Variants in MTMR1 observed in about 807,000 individuals in gnomAD.
MTMR1 encodes myotubularin related protein 1, also known as phosphatidylinositol-3-phosphate phosphatase MTMR1.
A neutral mutation model predicts 51.6 loss-of-function variants in MTMR1; 17 were observed. The observed-to-expected ratio is 0.33, with a 90% confidence interval of 0.23 to 0.49. MTMR1 has a LOEUF of 0.49. MTMR1 is among the 20% of genes least tolerant of loss of function. The pLI is 0.99. For missense variants in MTMR1, 386 were observed against 526.9 expected (o/e 0.73, Z 2.62); for synonymous variants, 201 against 205.6 (o/e 0.98, Z 0.19).
chrX:150,724,443 G>T (rs191327487), intron 4 of MTMR1, among the ~76,000 whole-genome samples: 3,320 of 110,275 alleles, frequency 0.03, 131 homozygotes, highest in African/African-American at 0.1. Context: ...GGTTGTTTGT[G>T]TTTTTTCTTG....
At position 150,727,326 on chromosome X, in the gene MTMR1, G is replaced by T. The variant is rs782604769; in HGVS notation, c.447+17G>T. ...GTCGAGAGGGTGAGTTTTTTAAAGT[G>T]TGTTTTATTTTAAAAGAAACACTTT... On this transcript the variant is annotated intron_variant, in intron 5 of 15. Coordinates refer to ENST00000445323, the MANE Select transcript of MTMR1 (RefSeq NM_001306144.3). The T allele has an allele frequency of 8.7e-7, 1 of 1,146,730 alleles. No individual in the cohort carries two copies. Among genetic ancestry groups the T allele is most frequent in the African/African-American group, 1.8e-5 (1 of 55,681 alleles). 94.5% of individuals were successfully genotyped at this position (1,146,730 alleles called of 1,213,427 possible). A position where few individuals can be genotyped will look rare whatever the true frequency, so the allele number is the denominator to read the frequency against.
Position 150,730,613 on chromosome X carries a change from A to C in MTMR1, c.741+5A>C. ...GTATCTGAATATAAGAGACAGGTAA[A>C]GTATATTGCTTATCAAACTGAAAAT... On this transcript the variant is annotated splice_donor_5th_base_variant and intron_variant, in intron 8 of 15. Coordinates refer to ENST00000445323, the MANE Select transcript of MTMR1 (RefSeq NM_001306144.3). 1 of 1,005,338 alleles carries C rather than the reference A, an allele frequency of 9.9e-7. No individual in the cohort carries two copies. The highest frequency in any genetic ancestry group is 1.3e-6 in the Non-Finnish European group (1 of 743,723). The allele number at this position is 1,005,338 out of a possible 1,213,427, so 82.9% of individuals were successfully genotyped here. A position where few individuals can be genotyped will look rare whatever the true frequency, so the allele number is the denominator to read the frequency against.
intron 13 of MTMR1, among the ~76,000 whole-genome samples, chrX:150,749,128 G>A (rs968473685): frequency 8.9e-6 from 1 of 112,393 alleles, no homozygotes; most frequent in Admixed American, 9.4e-5. Flanking sequence ...GATGGAGAGA[G>A]AAGCAAATCT....
At chrX:150,740,481 G>A (rs1221111867) in intron 12 of MTMR1, among the ~76,000 whole-genome samples, 2 of 111,255 alleles carry the variant, frequency 1.8e-5, no homozygotes, top group Admixed American at 1.9e-4. Context: ...TGAGTCCTTG[G>A]ATCATTTTTC....
intron 15 of MTMR1, among the ~76,000 whole-genome samples, chrX:150,760,276 G>A (rs2043059106): frequency 1.0e-5 from 1 of 99,832 alleles, no homozygotes; most frequent in Admixed American, 1.0e-4. Context: ...GACAGGGCCT[G>A]AGGAGCCAGG....
intron 4 of MTMR1, among the ~76,000 whole-genome samples, chrX:150,723,713 A>G (rs1403555854): frequency 2.7e-5 from 3 of 111,517 alleles, no homozygotes; most frequent in Non-Finnish European, 5.7e-5. Flanking sequence ...ATTTTTTCTG[A>G]TCCTCTCCCT....
At chrX:150,724,959 A>G (rs1183727317) in intron 4 of MTMR1, among the ~76,000 whole-genome samples, 2 of 112,181 alleles carry the variant, frequency 1.8e-5, no homozygotes, top group East Asian at 5.6e-4. Context: ...TTGTACCAGT[A>G]CCATGCTGTT....
At position 150,764,013 on chromosome X, in the gene MTMR1, C is replaced by A. The variant is rs943825514; in HGVS notation, c.*1284C>A. On this transcript the variant is annotated 3_prime_UTR_variant, in exon 16 of 16. Transcript: ENST00000445323. ...TCCTGCCCCAGCAGGCCATGCCCCTCCCATGTGCCGTGCCTGTTGCTGCAG... is the reference window on the plus strand; with the variant it reads ...TCCTGCCCCAGCAGGCCATGCCCCTACCATGTGCCGTGCCTGTTGCTGCAG... The A allele has an allele frequency of 8.9e-6, 1 of 112,451 alleles. No homozygotes were observed. The highest frequency in any genetic ancestry group is 1.9e-5 in the Non-Finnish European group (1 of 53,241). 9.3% of individuals were successfully genotyped at this position (112,451 alleles called of 1,213,427 possible).
chrX:150,754,401 G>A (rs1229675591), intron 14 of MTMR1, among the ~76,000 whole-genome samples: 1 of 112,829 alleles, frequency 8.9e-6, no homozygotes, highest in Admixed American at 9.4e-5. Flanking sequence ...GATAGCTCAT[G>A]GGAAGTCAGC....
At chrX:150,706,195 A>G (rs1272846124) in intron 2 of MTMR1, among the ~76,000 whole-genome samples, 1 of 110,913 alleles carries the variant, frequency 9.0e-6, no homozygotes, top group East Asian at 2.8e-4. Context: ...CAGTCCCATC[A>G]TGGAAGCCCT....
chrX:150,729,803 G>T (rs1431117898), intron 6 of MTMR1, among the ~76,000 whole-genome samples: 2 of 111,511 alleles, frequency 1.8e-5, no homozygotes, highest in Non-Finnish European at 3.8e-5. Context: ...TGGATTACGT[G>T]AGGTCAGGAG....
intron 3 of MTMR1, among the ~76,000 whole-genome samples, chrX:150,718,116 G>A (rs782220756): frequency 8.9e-6 from 1 of 112,493 alleles, no homozygotes; most frequent in East Asian, 2.8e-4. Context: ...CAAAGCCTAG[G>A]CCTTTCCTTA....
intron 3 of MTMR1, among the ~76,000 whole-genome samples, chrX:150,715,923 A>G (rs2041497569): frequency 8.9e-6 from 1 of 112,408 alleles, no homozygotes; most frequent in Non-Finnish European, 1.9e-5. Flanking sequence ...CTTGATTTTC[A>G]ACTTCTATCT....
intron 14 of MTMR1, among the ~76,000 whole-genome samples, chrX:150,755,235 A>G (rs1472899432): frequency 3.6e-5 from 4 of 110,867 alleles, no homozygotes; most frequent in Non-Finnish European, 5.7e-5. Flanking sequence ...TGTAGAGACA[A>G]AGTCTCACTG....
intron 3 of MTMR1, among the ~76,000 whole-genome samples, chrX:150,713,859 C>T (rs2041398006): frequency 9.1e-6 from 1 of 110,316 alleles, no homozygotes; most frequent in Admixed American, 9.6e-5. Flanking sequence ...AGTTATAAAT[C>T]ACAGAATTTA....
At chrX:150,736,856 A>C in intron 11 of MTMR1, 76 bp downstream of exon 11, 13 of 970,626 alleles carry the variant, frequency 1.3e-5, no homozygotes, top group Non-Finnish European at 1.7e-5. Flanking sequence ...GTATATCTCC[A>C]AGTGCCTCTT....
intron 3 of MTMR1, among the ~76,000 whole-genome samples, chrX:150,717,449 A>G (rs1318079635): frequency 1.9e-5 from 2 of 106,997 alleles, no homozygotes; most frequent in African/African-American, 6.8e-5. Context: ...TTATTTATTT[A>G]TTTATTTTTT....
intron 4 of MTMR1, among the ~76,000 whole-genome samples, chrX:150,725,151 T>C (rs2041886355): frequency 8.9e-6 from 1 of 112,481 alleles, no homozygotes; most frequent in African/African-American, 3.2e-5. Context: ...AATCTATAAA[T>C]TGCTTTGGGC....
chrX:150,740,873 C>T (rs2042404493), intron 12 of MTMR1, among the ~76,000 whole-genome samples: 3 of 109,433 alleles, frequency 2.7e-5, no homozygotes, highest in Non-Finnish European at 3.8e-5. Flanking sequence ...GGTGCCAGGC[C>T]CTTTGTAACA....
Sources: gnomAD v4.1 joint callset for allele counts (sites outside exome capture counted in the v4.1 genomes callset) on GRCh38, gnomAD v4.1.1 for gene constraint, MANE v1.5 for transcripts, NCBI Gene and HGNC (gene_info 2026-07-23, HGNC 2026-07-21) for gene names.